The following FBN1 variants were observed in gnomAD, a reference collection of about 807,000 sequenced individuals.
The protein encoded by FBN1 is fibrillin-1.
Under a neutral mutation model 365.1 loss-of-function variants are expected in FBN1, and 29 were observed. The ratio of observed to expected loss-of-function variants is 0.08; its 90% CI spans 0.06 to 0.11. The LOEUF (loss-of-function observed/expected upper bound fraction) is 0.11. FBN1 is among the 10% of genes least tolerant of loss of function. The pLI is 1.00. For synonymous variants in FBN1, 1,210 were observed against 1,270.5 expected, an observed-to-expected ratio of 0.95 and a Z score of 1.01; for missense variants, 2,476 against 3,703.2, an observed-to-expected ratio of 0.67 and a Z score of 8.60.
At chr15:48,495,654 T>G in intron 20 of FBN1, 66 bp from the exon 21 acceptor site, 1 of 1,602,320 alleles carries the variant, frequency 6.2e-7, no homozygotes, top group South Asian at 1.1e-5. Flanking sequence ...GTACTTCAAC[T>G]TTGACCCCAA....
At chr15:48,609,985 A>AG (rs1417188276) in intron 4 of FBN1, among the ~76,000 whole-genome samples, 1 of 152,154 alleles carries the variant, frequency 6.6e-6, no homozygotes, top group Non-Finnish European at 1.5e-5. Context: ...ACACACAATA[A>AG]GGGGGGTGCA....
intron 2 of FBN1, among the ~76,000 whole-genome samples, chr15:48,618,222 G>A (rs1889694963): frequency 6.6e-6 from 1 of 151,926 alleles, no homozygotes; most frequent in Non-Finnish European, 1.5e-5. Flanking sequence ...CTGTTCCAAG[G>A]TTAAAATAAC....
At chr15:48,488,039 A>G in intron 27 of FBN1, 74 bp downstream of exon 27, 1 of 1,596,988 alleles carries the variant, frequency 6.3e-7, no homozygotes, top group South Asian at 1.1e-5. Context: ...AAGAACCTGG[A>G]ACATAGGCTA....
intron 46 of FBN1, among the ~76,000 whole-genome samples, 186 bp from the exon 47 acceptor site, chr15:48,447,008 A>G (rs932862942): frequency 6.6e-6 from 1 of 152,188 alleles, no homozygotes; most frequent in African/African-American, 2.4e-5. Flanking sequence ...AAAGCTCTAA[A>G]TCTTGGGAAT....
At chr15:48,435,904 A>G (rs2141239170) in intron 53 of FBN1, among the ~76,000 whole-genome samples, 1 of 151,778 alleles carries the variant, frequency 6.6e-6, no homozygotes, top group East Asian at 1.9e-4. Flanking sequence ...GAAAGAAATA[A>G]TTTTGAGAAA....
Position 48,444,908 on chromosome 15 carries a change from T to C in FBN1, c.5918-248A>G, listed in dbSNP as rs1177312524. Among the ~76,000 whole-genome samples the C allele has an allele frequency of 8.3e-5, 7 of 83,940 alleles. No homozygotes were observed. The Admixed American group carries it at 1.1e-3, about 13-fold the overall frequency. 55.1% of individuals were successfully genotyped at this position (83,940 alleles called of 152,430 possible). On this transcript the variant is annotated intron_variant, in intron 48 of 65. Coordinates refer to ENST00000316623, the MANE Select transcript of FBN1 (RefSeq NM_000138.5). ...TAAATGTTTCCAGAAAATTGTAGCATGTGAAAAGTCAGTGAGTATATAGAT... is the reference window on the plus strand; with the variant it reads ...TAAATGTTTCCAGAAAATTGTAGCACGTGAAAAGTCAGTGAGTATATAGAT...
chr15:48,492,093 T>G (rs2043564767), intron 24 of FBN1, among the ~76,000 whole-genome samples: 1 of 152,214 alleles, frequency 6.6e-6, no homozygotes, highest in Admixed American at 6.5e-5. Flanking sequence ...GGACCTGTCC[T>G]TCTGGCCAAT....
chr15:48,567,099 C>T (rs984718053), intron 6 of FBN1, among the ~76,000 whole-genome samples: 1 of 152,188 alleles, frequency 6.6e-6, no homozygotes, highest in Non-Finnish European at 1.5e-5. Context: ...CATGGGTTTA[C>T]ACCAGTGCTT....
At chr15:48,594,351 T>C (rs1434036804) in intron 6 of FBN1, among the ~76,000 whole-genome samples, 2 of 152,122 alleles carry the variant, frequency 1.3e-5, no homozygotes, top group East Asian at 3.8e-4. Context: ...TGCTCTCCAG[T>C]CTCCACTACC....
At chr15:48,508,210 A>G (rs2043727265) in intron 15 of FBN1, among the ~76,000 whole-genome samples, 2 of 152,188 alleles carry the variant, frequency 1.3e-5, no homozygotes, top group South Asian at 4.1e-4. Context: ...GAGGTGGCAA[A>G]TAACAGCCAC....
chr15:48,612,093 A>T (rs993364752), intron 3 of FBN1, among the ~76,000 whole-genome samples: 2 of 152,252 alleles, frequency 1.3e-5, no homozygotes, highest in Non-Finnish European at 2.9e-5. Flanking sequence ...AAATACCATT[A>T]TATTTCTCTT....
rs2042859991 is a variant in FBN1 at position 48,411,241 on chromosome 15, T to G, written c.8365A>C (p.Asn2789His). 3.1e-6 allele frequency: 5 copies of G among 1,614,166 alleles called. No homozygotes were observed. The highest frequency in any genetic ancestry group is 4.2e-6 in the Non-Finnish European group (5 of 1,180,010). Residue 2789 changes from asparagine to histidine, a missense_variant, in exon 66 of 66, where the codon AAT becomes CAT. Transcript: ENST00000316623. ...GATTCGATCAAGTATCTGTTGTGAT[T>G]CGTCAGAGTTGTAAGAGCTGGAAGG... The part of the protein sequence containing the change: ...ELLPALTTLT[N>H]HNRYLIESGN...
Position 48,446,672 on chromosome 15 carries a change from C to T in FBN1, c.5788+34G>A, listed in dbSNP as rs773609546. The T allele has an allele frequency of 5.4e-6, 7 of 1,286,386 alleles. No individual in the cohort carries two copies. The African/African-American group carries it at 8.7e-5, about 16-fold the overall frequency. The allele number at this position is 1,286,386 out of a possible 1,614,324, so 79.7% of individuals were successfully genotyped here. On this transcript the variant is annotated intron_variant, in intron 47 of 65. Coordinates refer to ENST00000316623, the MANE Select transcript of FBN1 (RefSeq NM_000138.5). ...TTACAAAGAACACATATAAAACTGA[C>T]TTCCTTTGCTGATGCACAATTTTGC...
intron 49 of FBN1, among the ~76,000 whole-genome samples, chr15:48,442,501 T>G (rs973923020): frequency 1.3e-5 from 2 of 152,208 alleles, no homozygotes; most frequent in African/African-American, 4.8e-5. Flanking sequence ...TTTCATCATA[T>G]AGACAATAGG....
intron 2 of FBN1, among the ~76,000 whole-genome samples, chr15:48,639,465 C>T (rs1890160580): frequency 1.3e-5 from 2 of 152,214 alleles, no homozygotes; most frequent in Admixed American, 1.3e-4. Flanking sequence ...CGCTGTCCTT[C>T]TGTGCACTCA....
In FBN1 at chr15:48,441,874, G is replaced by A. The variant is rs2043118138; in HGVS notation, c.6038-28C>T. ...AAAAGAATCACATGAGTCAAACAAA[G>A]TCAAAACACGATGGAGACATCATCA... On this transcript the variant is annotated intron_variant, in intron 49 of 65. Coordinates refer to ENST00000316623, the MANE Select transcript of FBN1 (RefSeq NM_000138.5). 4 of 1,611,196 alleles carry A rather than the reference G, an allele frequency of 2.5e-6. No homozygotes were observed. The African/African-American group carries it at 5.3e-5, about 22-fold the overall frequency.
At chr15:48,629,467 T>G (rs1424235091) in intron 2 of FBN1, among the ~76,000 whole-genome samples, 2 of 152,130 alleles carry the variant, frequency 1.3e-5, no homozygotes, top group Non-Finnish European at 2.9e-5. Context: ...CAAATAAAAT[T>G]TATGACTCAA....
intron 54 of FBN1, 28 bp downstream of exon 54, chr15:48,434,566 T>C (rs777461946): frequency 6.2e-7 from 1 of 1,613,208 alleles, no homozygotes; most frequent in Non-Finnish European, 8.5e-7. Flanking sequence ...GTACACGTAA[T>C]CAACTGTTCT....
At chr15:48,527,101 AC>A (rs1359790026) in intron 8 of FBN1, among the ~76,000 whole-genome samples, 1 of 152,042 alleles carries the variant, frequency 6.6e-6, no homozygotes, top group Admixed American at 6.5e-5. Flanking sequence ...GATGGGCTGC[AC>A]CCCAGCTTGC....
Sources: gnomAD v4.1 joint callset for allele counts (sites outside exome capture counted in the v4.1 genomes callset) on GRCh38, gnomAD v4.1.1 for gene constraint, MANE v1.5 for transcripts, NCBI Gene and HGNC (gene_info 2026-07-23, HGNC 2026-07-21) for gene names.